Variants in CD36 observed in about 807,000 individuals in gnomAD.
The protein encoded by CD36 is CD36 molecule (CD36 blood group), also known as platelet glycoprotein 4.
In CD36, 119 loss-of-function variants were observed where a neutral mutation model predicts 55.2. The ratio of observed to expected loss-of-function variants is 2.15; its 90% CI spans 1.86 to 2.51. CD36 has a LOEUF of 2.51. Ranked by LOEUF, CD36 falls within the 30% of genes most tolerant of loss-of-function variation. The pLI is 0.00. For synonymous variants in CD36, 186 were observed against 193.6 expected, an observed-to-expected ratio of 0.96 and a Z score of 0.33; for missense variants, 819 against 555.5, an observed-to-expected ratio of 1.47 and a Z score of -4.77.
intron 5 of CD36, among the ~76,000 whole-genome samples, chr7:80,661,716 G>A (rs555059327): frequency 6.6e-6 from 1 of 152,040 alleles, no homozygotes; most frequent in Admixed American, 6.6e-5. Context: ...AAAGCACTTT[G>A]CAATTTGTTG....
intron 1 of CD36, among the ~76,000 whole-genome samples, chr7:80,622,930 C>T (rs1793548091): frequency 6.6e-6 from 1 of 151,900 alleles, no homozygotes; most frequent in Non-Finnish European, 1.5e-5. Context: ...CTTCAATAAC[C>T]AAGAATGCTC....
chr7:80,612,559 G>A (rs1057508007), intron 1 of CD36, among the ~76,000 whole-genome samples: 5 of 152,224 alleles, frequency 3.3e-5, no homozygotes, highest in South Asian at 4.1e-4. Context: ...ATCTTAAAAA[G>A]TATTTCTGAA....
rs771293976 is a variant in CD36, at chr7:80,646,785, T to G, written c.45T>G (p.Ile15Met). The change falls in exon 3 of 15, where the codon ATT (isoleucine) becomes ATG (methionine). Residue 15 changes from isoleucine (I) to methionine (M), a missense_variant. Ile to Met is a conservative substitution (Grantham distance 10, BLOSUM62 1). Coordinates refer to ENST00000447544, the MANE Select transcript of CD36 (RefSeq NM_001001548.3). ...GTGGGCTCATCGCTGGGGCTGTCATTGGTGCTGTCCTGGCTGTGTTTGGAG... is the reference window on the plus strand; with the variant it reads ...GTGGGCTCATCGCTGGGGCTGTCATGGGTGCTGTCCTGGCTGTGTTTGGAG... ...RNCGLIAGAVIGAVLAVFGGI... is the reference protein window; with the variant it reads ...RNCGLIAGAVMGAVLAVFGGI... 1.9e-6 allele frequency: 3 copies of G among 1,613,938 alleles called. No individual in the cohort carries two copies. The African/African-American group carries it at 4.0e-5, about 22-fold the overall frequency.
At chr7:80,661,606 A>G (rs1003326063) in intron 5 of CD36, among the ~76,000 whole-genome samples, 4 of 152,202 alleles carry the variant, frequency 2.6e-5, no homozygotes, top group African/African-American at 4.8e-5. Context: ...AAATTTTACT[A>G]TAAGCAATAA....
intron 1 of CD36, among the ~76,000 whole-genome samples, chr7:80,615,577 T>C (rs1291139683): frequency 2.0e-5 from 3 of 152,174 alleles, no homozygotes; most frequent in Non-Finnish European, 2.9e-5. Context: ...ATCAACAAAA[T>C]CACAATCTAT....
In CD36 at chr7:80,655,852, T is replaced by C. The variant is rs114142481; in HGVS notation, c.121-688T>C. On this transcript the variant is annotated intron_variant, in intron 3 of 14. Transcript: ENST00000447544. Reference sequence around the variant, plus strand: ...GAGAGGATCACTTGAGCCTGGGAGGTCAAGGCTGCAAGGAGCCAAGATTGT... The same window carrying C: ...GAGAGGATCACTTGAGCCTGGGAGGCCAAGGCTGCAAGGAGCCAAGATTGT... 4.6e-3 allele frequency among the ~76,000 whole-genome samples: 690 copies of C among 149,986 alleles called. 4 individuals are homozygous for C. The highest frequency in any genetic ancestry group is 0.017 in the African/African-American group (673 of 40,618).
chr7:80,668,463 C>T (rs545545725), intron 8 of CD36, among the ~76,000 whole-genome samples: 2 of 152,250 alleles, frequency 1.3e-5, no homozygotes, highest in East Asian at 1.9e-4. Flanking sequence ...TTTAGAAGTG[C>T]ATCCTCTTTA....
In CD36 at chr7:80,674,103, TTTA is replaced by T. The variant is rs1562828949; in HGVS notation, c.1377_1379del (p.Phe459_Met460delinsLeu). On this transcript the variant is annotated inframe_deletion, in exon 14 of 15. Transcript: ENST00000447544. The stretch of plus-strand genomic sequence containing the variant: ...TGTTGGTGTGGTGATGTTTGTTGCT[TTTA>T]TGATTTCATATTGTGCATGCAGATC... 6.2e-7 allele frequency: 1 copy of T among 1,612,498 alleles called. No homozygotes were observed. The highest frequency in any genetic ancestry group is 1.7e-5 in the Admixed American group (1 of 59,882).
intron 8 of CD36, among the ~76,000 whole-genome samples, chr7:80,668,310 G>A (rs1023842498): frequency 1.2e-4 from 18 of 152,146 alleles, no homozygotes; most frequent in Non-Finnish European, 2.9e-5. Flanking sequence ...AAATATCTAT[G>A]GGGAAAATAG....
At chr7:80,626,124 T>C (rs1793725250) in intron 1 of CD36, 1 of 152,074 alleles carries the variant, frequency 6.6e-6, no homozygotes, top group Admixed American at 6.6e-5. Context: ...CTGTGGAGTC[T>C]CAGGTTGCTT....
chr7:80,661,083 A>G lies in CD36; in HGVS notation c.302A>G (p.Glu101Gly), dbSNP rs1388542365. 9 of 1,613,332 alleles carry G rather than the reference A, an allele frequency of 5.6e-6. No individual in the cohort carries two copies. In the Admixed American group the frequency reaches 6.7e-5, roughly 12 times the overall value. The stretch of plus-strand genomic sequence containing the variant: ...TTTAGAGTTCGTTTTCTAGCCAAGG[A>G]AAATGTAACCCAGGACGCTGAGGAC... ...YTYRVRFLAK[E>G]NVTQDAEDNT... Residue 101 changes from glutamate to glycine, a missense_variant, in exon 5 of 15, where the codon GAA (glutamate) becomes GGA (glycine). Transcript: ENST00000447544.
intron 1 of CD36, among the ~76,000 whole-genome samples, chr7:80,625,508 T>G (rs559679734): frequency 3.9e-5 from 6 of 152,308 alleles, no homozygotes; most frequent in Non-Finnish European, 7.3e-5. Context: ...GAAATGCTAA[T>G]GCATGCTCAT....
At chr7:80,655,940 GA>G (rs772968472) in intron 3 of CD36, among the ~76,000 whole-genome samples, 17 of 129,684 alleles carry the variant, frequency 1.3e-4, no homozygotes, top group African/African-American at 2.3e-4. Context: ...AAAAAGAAAA[GA>G]AAAAGAAAAA....
At position 80,673,393 on chromosome 7, in the gene CD36, T is replaced by C. The variant is rs1315054943; in HGVS notation, c.1238T>C (p.Ile413Thr). The C allele has an allele frequency of 1.3e-5, 20 of 1,569,274 alleles. No homozygotes were observed. The highest frequency in any genetic ancestry group is 1.0e-4 in the Admixed American group (6 of 59,864). ...KNLKRNYIVP[I>T]LWLNETGTIG... ...CTGAAGAGGAACTATATTGTGCCTA[T>C]TCTTTGGCTTAATGAGGTTTGTATT... Residue 413 changes from isoleucine (I) to threonine (T), a missense_variant, in exon 13 of 15, where the codon ATT becomes ACT. Physicochemically the swap from Ile to Thr is moderately conservative, Grantham distance 89. Transcript: ENST00000447544.
chr7:80,642,410 G>C (rs1057071328), intron 1 of CD36, among the ~76,000 whole-genome samples: 1 of 152,096 alleles, frequency 6.6e-6, no homozygotes, highest in African/African-American at 2.4e-5. Flanking sequence ...TGGTGGAATG[G>C]TGGAGACAAA....
chr7:80,622,824 A>G (rs1793541670), intron 1 of CD36, among the ~76,000 whole-genome samples: 1 of 152,210 alleles, frequency 6.6e-6, no homozygotes, highest in Non-Finnish European at 1.5e-5. Flanking sequence ...CTGCATCTCT[A>G]GAATATGAAC....
chr7:80,672,920 TATGTAAGTAA>T (rs1408224065), intron 12 of CD36, 77 bp downstream of exon 12: 4 of 931,380 alleles, frequency 4.3e-6, no homozygotes, highest in Non-Finnish European at 5.2e-6. Context: ...TGAGTAAATC[TATGTAAGTAA>T]GTGGAAATAA....
At chr7:80,651,465 G>T (rs986330282) in intron 3 of CD36, among the ~76,000 whole-genome samples, 6 of 152,112 alleles carry the variant, frequency 3.9e-5, no homozygotes, top group Non-Finnish European at 8.8e-5. Context: ...AGGAATTATA[G>T]GTTTCTTTGT....
In CD36 at chr7:80,656,684, G is replaced by A. The variant is rs374729345; in HGVS notation, c.265G>A (p.Gly89Ser). The A allele has an allele frequency of 2.5e-6, 4 of 1,613,468 alleles. No individual in the cohort carries two copies. The African/African-American group carries it at 4.0e-5, about 16-fold the overall frequency. ...NSSNIQVKQR[G>S]PYTYRVRFLA... Reference sequence around the variant, plus strand: ...CAGCAACATTCAAGTTAAGCAAAGAGGTCCTTATACGTACAGGTGAGTGAG... The same window carrying A: ...CAGCAACATTCAAGTTAAGCAAAGAAGTCCTTATACGTACAGGTGAGTGAG... Residue 89 changes from glycine (G) to serine (S), a missense_variant, in exon 4 of 15, where the codon GGT becomes AGT. Physicochemically the swap from Gly to Ser is moderately conservative, Grantham distance 56. Coordinates refer to ENST00000447544, the MANE Select transcript of CD36 (RefSeq NM_001001548.3).
Sources: allele counts gnomAD v4.1 joint callset (sites outside exome capture counted in the v4.1 genomes callset), GRCh38; gene constraint gnomAD v4.1.1; transcripts MANE v1.5; gene names NCBI Gene and HGNC (gene_info 2026-07-23, HGNC 2026-07-21).